DIP2B: variants seen among roughly 807,000 people sequenced by gnomAD.
DIP2B encodes the protein disco-interacting protein 2 homolog B.
A neutral mutation model predicts 198.0 loss-of-function variants in DIP2B; 76 were observed. That is an observed-to-expected ratio of 0.38 (90% confidence interval 0.32 to 0.46). The LOEUF (loss-of-function observed/expected upper bound fraction) is 0.46, where lower values mean the gene tolerates loss of function less well. Among genes scored for constraint, DIP2B ranks in the 20% least tolerant of loss-of-function variants. The pLI is 0.99. For missense variants in DIP2B, 1,559 were observed against 1,978.4 expected (o/e 0.79, Z 4.02); for synonymous variants, 701 against 739.1 (o/e 0.95, Z 0.84).
At chr12:50,614,798 T>C (rs1268622265) in intron 1 of DIP2B, among the ~76,000 whole-genome samples, 4 of 152,220 alleles carry the variant, frequency 2.6e-5, no homozygotes, top group Non-Finnish European at 5.9e-5. Context: ...GGAAAAACCC[T>C]TTTCCACTTT....
At chr12:50,514,454 A>T (rs1457550908) in intron 1 of DIP2B, among the ~76,000 whole-genome samples, 1 of 152,094 alleles carries the variant, frequency 6.6e-6, no homozygotes, top group African/African-American at 2.4e-5. Flanking sequence ...CATCTGTATC[A>T]GTTCCACCCG....
At chr12:50,614,291 T>C (rs1434172988) in intron 1 of DIP2B, among the ~76,000 whole-genome samples, 1 of 152,192 alleles carries the variant, frequency 6.6e-6, no homozygotes, top group Non-Finnish European at 1.5e-5. Flanking sequence ...TTTTCCTCAT[T>C]CTCTCCTGGT....
chr12:50,579,704 T>C (rs1958705113), intron 1 of DIP2B, among the ~76,000 whole-genome samples: 1 of 85,948 alleles, frequency 1.2e-5, no homozygotes, highest in Non-Finnish European at 2.2e-5. Flanking sequence ...TATATATATA[T>C]ATATATATAT....
At chr12:50,521,756 G>A (rs1393567351) in intron 1 of DIP2B, among the ~76,000 whole-genome samples, 2 of 151,066 alleles carry the variant, frequency 1.3e-5, no homozygotes, top group Non-Finnish European at 3.0e-5. Context: ...CCGCCCCTCC[G>A]CCCTTGGCCT....
intron 1 of DIP2B, among the ~76,000 whole-genome samples, chr12:50,565,063 G>A (rs1228543159): frequency 1.3e-5 from 2 of 152,058 alleles, no homozygotes; most frequent in Non-Finnish European, 2.9e-5. Context: ...GAGTGCAGTG[G>A]TGCACTCACA....
At chr12:50,546,925 A>G (rs751062404) in intron 1 of DIP2B, among the ~76,000 whole-genome samples, 4 of 152,218 alleles carry the variant, frequency 2.6e-5, no homozygotes, top group Non-Finnish European at 5.9e-5. Flanking sequence ...ATTACCTATA[A>G]TACAAAACAA....
intron 1 of DIP2B, among the ~76,000 whole-genome samples, chr12:50,615,060 G>A (rs1352203027): frequency 6.6e-6 from 1 of 152,138 alleles, no homozygotes; most frequent in Non-Finnish European, 1.5e-5. Context: ...TTCAGATTCA[G>A]TGATTGGTAT....
intron 37 of DIP2B, chr12:50,743,508 C>G (rs560638619): frequency 6.6e-6 from 1 of 152,148 alleles, no homozygotes; most frequent in Non-Finnish European, 1.5e-5. Flanking sequence ...GCGTGGGGCA[C>G]TAATAACTCA....
At chr12:50,692,038 C>A (rs1322593884) in intron 13 of DIP2B, among the ~76,000 whole-genome samples, 1 of 151,964 alleles carries the variant, frequency 6.6e-6, no homozygotes, top group Non-Finnish European at 1.5e-5. Flanking sequence ...GCACTCTAGC[C>A]TGGGTGACAG....
chr12:50,738,368 C>G (rs1051566159), intron 35 of DIP2B, among the ~76,000 whole-genome samples: 1 of 152,106 alleles, frequency 6.6e-6, no homozygotes, highest in African/African-American at 2.4e-5. Flanking sequence ...TGCAGTGGCT[C>G]AGGCCTGTAA....
Position 50,680,674 on chromosome 12 carries a change from A to G in DIP2B, c.1117A>G (p.Lys373Glu). ...GKPVYTLTYG[K>E]LWSRSLKLAY... ...GTTTTTTTTTCCTTTTTTTCCAGGA[A>G]AGTTGTGGAGCAGAAGTTTAAAGTT... The change falls in exon 9 of 38, where the codon AAG becomes GAG. Residue 373 changes from lysine (K) to glutamate (E), a missense_variant and splice_region_variant. Coordinates refer to ENST00000301180, the MANE Select transcript of DIP2B (RefSeq NM_173602.3). 1 of 1,607,382 alleles carries G rather than the reference A, an allele frequency of 6.2e-7. No homozygotes were observed. The highest frequency in any genetic ancestry group is 1.1e-5 in the South Asian group (1 of 88,658).
intron 1 of DIP2B, among the ~76,000 whole-genome samples, chr12:50,545,147 A>G (rs117113523): frequency 5.9e-5 from 9 of 152,248 alleles, no homozygotes; most frequent in Non-Finnish European, 1.0e-4. Flanking sequence ...ATTTTAGATA[A>G]AATTACTAGT....
At chr12:50,690,908 A>G in intron 12 of DIP2B, 141 bp from the exon 13 acceptor site, 1 of 646,298 alleles carries the variant, frequency 1.5e-6, no homozygotes, top group Non-Finnish European at 2.6e-6. Flanking sequence ...ACCCTAGTAC[A>G]TTGCCTTAAA....
rs1034406196 is a variant in DIP2B, at chr12:50,560,970, C to G, written c.100+55730C>G. On this transcript the variant is annotated intron_variant, in intron 1 of 37. Coordinates refer to ENST00000301180, the MANE Select transcript of DIP2B (RefSeq NM_173602.3). ...CAAATAAACTGTTTTCACATTTTTACAACTTAATATTTCTTAAATTTATTC... is the reference window on the plus strand; with the variant it reads ...CAAATAAACTGTTTTCACATTTTTAGAACTTAATATTTCTTAAATTTATTC... Among the ~76,000 whole-genome samples, 3 of 152,152 alleles carry G rather than the reference C, an allele frequency of 2.0e-5. No individual in the cohort carries two copies. In the East Asian group the frequency reaches 5.8e-4, roughly 29 times the overall value.
chr12:50,640,338 T>A (rs1200518542), intron 2 of DIP2B, among the ~76,000 whole-genome samples: 2 of 152,154 alleles, frequency 1.3e-5, no homozygotes, highest in African/African-American at 4.8e-5. Context: ...TTGCTTGTAT[T>A]ATGTTTATCT....
At chr12:50,718,597 A>G in intron 23 of DIP2B, 112 bp from the exon 24 acceptor site, 1 of 903,958 alleles carries the variant, frequency 1.1e-6, no homozygotes, top group Non-Finnish European at 1.8e-6. Context: ...AAGAGTGTTC[A>G]GGCAGTATTG....
chr12:50,627,339 A>T (rs1299829946), intron 2 of DIP2B, among the ~76,000 whole-genome samples: 2 of 152,142 alleles, frequency 1.3e-5, no homozygotes, highest in Non-Finnish European at 2.9e-5. Context: ...TACTATGAGA[A>T]ATTTTTTTTT....
chr12:50,571,675 C>T (rs1318886590), intron 1 of DIP2B, among the ~76,000 whole-genome samples: 1 of 151,024 alleles, frequency 6.6e-6, no homozygotes, highest in Non-Finnish European at 1.5e-5. Context: ...GTCTCAGCCT[C>T]CCAAGTAACT....
At chr12:50,507,313 TC>T (rs1277309289) in intron 1 of DIP2B, among the ~76,000 whole-genome samples, 1 of 152,208 alleles carries the variant, frequency 6.6e-6, no homozygotes, top group Non-Finnish European at 1.5e-5. Context: ...GCCTGCAGTG[TC>T]AGCATATTGG....
Sources: allele counts gnomAD v4.1 joint callset (sites outside exome capture counted in the v4.1 genomes callset), GRCh38; gene constraint gnomAD v4.1.1; transcripts MANE v1.5; gene names NCBI Gene and HGNC (gene_info 2026-07-23, HGNC 2026-07-21).